The following ALG6 variants were observed in gnomAD, a reference collection of about 807,000 sequenced individuals.
ALG6 encodes the protein ALG6 alpha-1,3-glucosyltransferase, also known as dolichyl pyrophosphate Man9GlcNAc2 alpha-1,3-glucosyltransferase.
A neutral mutation model predicts 66.6 loss-of-function variants in ALG6; 46 were observed. The ratio of observed to expected loss-of-function variants is 0.69; its 90% CI spans 0.55 to 0.88. ALG6 has a LOEUF of 0.88. ALG6 is among the 40% of genes least tolerant of loss of function. ALG6 has a pLI of 0.00. For synonymous variants in ALG6, 185 were observed against 203.7 expected, an observed-to-expected ratio of 0.91 and a Z score of 0.78; for missense variants, 505 against 586.8, an observed-to-expected ratio of 0.86 and a Z score of 1.44.
intron 5 of ALG6, among the ~76,000 whole-genome samples, chr1:63,405,945 T>C (rs946601377): frequency 1.3e-5 from 2 of 152,082 alleles, no homozygotes; most frequent in Admixed American, 6.6e-5. Context: ...AAAAAAGATT[T>C]TCTTACACAT....
chr1:63,410,429 A>AT (rs1326455632), intron 7 of ALG6, among the ~76,000 whole-genome samples: 1 of 151,884 alleles, frequency 6.6e-6, no homozygotes. Context: ...TAATTTAAAA[A>AT]TTTTTTTGTA....
intron 3 of ALG6, among the ~76,000 whole-genome samples, chr1:63,401,867 A>T (rs541728380): frequency 6.6e-6 from 1 of 152,298 alleles, no homozygotes; most frequent in African/African-American, 2.4e-5. Context: ...TATTTCCTTC[A>T]CATTCTGGCT....
intron 2 of ALG6, among the ~76,000 whole-genome samples, chr1:63,372,714 C>T (rs920672981): frequency 2.0e-5 from 3 of 152,066 alleles, no homozygotes; most frequent in Non-Finnish European, 4.4e-5. Flanking sequence ...GGCTGGAGTG[C>T]AGTGGCGCAA....
chr1:63,419,251 T>G, intron 11 of ALG6, 119 bp from the exon 12 acceptor site: 2 of 843,198 alleles, frequency 2.4e-6, no homozygotes, highest in Non-Finnish European at 3.9e-6. Flanking sequence ...TACTTCTAAA[T>G]AGAGCTTTAA....
At chr1:63,391,765 T>C (rs1648680112) in intron 2 of ALG6, among the ~76,000 whole-genome samples, 1 of 152,222 alleles carries the variant, frequency 6.6e-6, no homozygotes, top group Non-Finnish European at 1.5e-5. Flanking sequence ...TTTGATTTTT[T>C]CTGAAATGTC....
Position 63,393,239 on chromosome 1 carries a change from G to A in ALG6, c.83-3274G>A, listed in dbSNP as rs141518082. Among the ~76,000 whole-genome samples, 1,074 of 152,230 alleles carry A rather than the reference G, an allele frequency of 7.1e-3. 3 individuals are homozygous for A. Among genetic ancestry groups the A allele is most frequent in the Non-Finnish European group, 0.012 (802 of 68,000 alleles). On this transcript the variant is annotated intron_variant, in intron 2 of 14. Coordinates refer to ENST00000263440, the MANE Select transcript of ALG6 (RefSeq NM_013339.4). The stretch of plus-strand genomic sequence containing the variant: ...CCCCCAATCCCGCCACCCAGCCAAA[G>A]AATACACATGCAAAAATGCAATTAA...
intron 2 of ALG6, among the ~76,000 whole-genome samples, chr1:63,377,768 C>G (rs1648180866): frequency 6.6e-6 from 1 of 152,158 alleles, no homozygotes; most frequent in Non-Finnish European, 1.5e-5. Flanking sequence ...GGATCTCACT[C>G]TATTGCCCAA....
intron 2 of ALG6, among the ~76,000 whole-genome samples, chr1:63,393,332 T>G (rs1648726993): frequency 6.6e-6 from 1 of 152,232 alleles, no homozygotes; most frequent in Non-Finnish European, 1.5e-5. Flanking sequence ...TCCAGTTTAA[T>G]TAAGCAAACT....
intron 2 of ALG6, among the ~76,000 whole-genome samples, chr1:63,379,988 G>A (rs1648252290): frequency 6.6e-6 from 1 of 151,536 alleles, no homozygotes; most frequent in African/African-American, 2.4e-5. Context: ...AAAGCAACAG[G>A]TTTAAGAGTT....
chr1:63,407,289 A>G (rs1378218975), intron 7 of ALG6, among the ~76,000 whole-genome samples, 163 bp downstream of exon 7: 1 of 152,108 alleles, frequency 6.6e-6, no homozygotes, highest in Non-Finnish European at 1.5e-5. Context: ...CTTTTATTTG[A>G]AAGGTAAAGT....
At chr1:63,414,234 G>A in intron 10 of ALG6, 88 bp downstream of exon 10, 1 of 1,019,382 alleles carries the variant, frequency 9.8e-7, no homozygotes, top group Non-Finnish European at 1.5e-6. Flanking sequence ...GCATCATTAG[G>A]GAATGAGGTG....
chr1:63,413,850 T>C (rs778431073), intron 9 of ALG6: 3 of 480,110 alleles, frequency 6.2e-6, no homozygotes, highest in Non-Finnish European at 1.1e-5. Flanking sequence ...GGGCCAATGC[T>C]TTTGATCAAC....
chr1:63,396,529 T>G lies in ALG6; in HGVS notation c.99T>G (p.Pro33=). 2 of 1,614,098 alleles carry G rather than the reference T, an allele frequency of 1.2e-6. No individual in the cohort carries two copies. The highest frequency in any genetic ancestry group is 1.7e-6 in the Non-Finnish European group (2 of 1,179,984). ...TGATCTTAGGTGCTGGTAAACCGCC[T>G]ATGTTTGGTGATTATGAAGCTCAGA... ...LNSYSGAGKP[P]MFGDYEAQRH... The change falls in exon 3 of 15, where the codon CCT becomes CCG. Residue 33 remains proline (P), a synonymous_variant. Coordinates refer to ENST00000263440, the MANE Select transcript of ALG6 (RefSeq NM_013339.4).
At chr1:63,369,957 CA>C (rs1647859499) in intron 1 of ALG6, among the ~76,000 whole-genome samples, 1 of 151,868 alleles carries the variant, frequency 6.6e-6, no homozygotes, top group Non-Finnish European at 1.5e-5. Flanking sequence ...TAGCTGGGAT[CA>C]CAGGCGAGCG....
At chr1:63,392,559 T>C (rs1433411825) in intron 2 of ALG6, among the ~76,000 whole-genome samples, 1 of 152,238 alleles carries the variant, frequency 6.6e-6, no homozygotes, top group Non-Finnish European at 1.5e-5. Flanking sequence ...TAGTAGGTAT[T>C]GTTAACAACA....
At chr1:63,410,483 T>C (rs1242012128) in intron 7 of ALG6, among the ~76,000 whole-genome samples, 1 of 152,180 alleles carries the variant, frequency 6.6e-6, no homozygotes, top group East Asian at 1.9e-4. Flanking sequence ...CTCAAACTCC[T>C]GGCTCAAGCA....
intron 7 of ALG6, among the ~76,000 whole-genome samples, chr1:63,408,633 G>A (rs531717493): frequency 5.3e-5 from 8 of 152,180 alleles, no homozygotes; most frequent in Non-Finnish European, 1.0e-4. Context: ...TAACAATGGT[G>A]TAAGAGTTCC....
chr1:63,370,854 G>A lies in ALG6; in HGVS notation c.-124G>A. On this transcript the variant is annotated 5_prime_UTR_variant, in exon 2 of 15. Transcript: ENST00000263440. Reference sequence around the variant, plus strand: ...ATTCTCTCAAACTCCTAATTGCGAAGAATCGATAACATTTCAAGAAGTGAT... The same window carrying A: ...ATTCTCTCAAACTCCTAATTGCGAAAAATCGATAACATTTCAAGAAGTGAT... 1.3e-6 allele frequency: 1 copy of A among 748,034 alleles called. No homozygotes were observed. Among genetic ancestry groups the A allele is most frequent in the Non-Finnish European group, 2.4e-6 (1 of 411,582 alleles). The allele number at this position is 748,034 out of a possible 1,614,324, so 46.3% of individuals were successfully genotyped here.
rs11579622 is a variant in ALG6 at position 63,371,135 on chromosome 1, A to G, written c.82+76A>G. The G allele has an allele frequency of 0.016, 16,282 of 991,784 alleles. 238 individuals carry two copies. Among genetic ancestry groups the G allele is most frequent in the South Asian group, 0.049 (3,779 of 77,710 alleles). 61.4% of individuals were successfully genotyped at this position (991,784 alleles called of 1,614,324 possible). On this transcript the variant is annotated intron_variant, in intron 2 of 14. Transcript: ENST00000263440. ...GTGTTTGTTTGGGGAAAAGTTTACC[A>G]TTTTCTGACCAGTACAGAGAAGAAT...
Sources: gnomAD v4.1 joint callset for allele counts (sites outside exome capture counted in the v4.1 genomes callset) on GRCh38, gnomAD v4.1.1 for gene constraint, MANE v1.5 for transcripts, NCBI Gene and HGNC (gene_info 2026-07-23, HGNC 2026-07-21) for gene names.